The following VGLL4 variants were observed in gnomAD, a reference collection of about 807,000 sequenced individuals.
VGLL4 encodes the protein vestigial like family member 4.
VGLL4 carries 7 observed loss-of-function variants against 21.0 expected under a neutral mutation model. The observed-to-expected ratio is 0.33, with a 90% CI of 0.19 to 0.63. The LOEUF (loss-of-function observed/expected upper bound fraction) is 0.63. VGLL4 is among the 20% of genes least tolerant of loss of function. The pLI is 0.78. For missense variants in VGLL4, 394 were observed against 425.7 expected (o/e 0.93, Z 0.66); for synonymous variants, 222 against 173.2 (o/e 1.28, Z -2.21).
At chr3:11,684,399 A>G (rs2076415934) in intron 2 of VGLL4, among the ~76,000 whole-genome samples, 1 of 152,056 alleles carries the variant, frequency 6.6e-6, no homozygotes, top group South Asian at 2.1e-4. Context: ...CTTTAAAAAA[A>G]AGACAGGGTC....
In VGLL4 at chr3:11,556,995, CTG is replaced by C. The variant is rs1483264797; in HGVS notation, c.*1559_*1560del. 2 of 152,618 alleles carry C rather than the reference CTG, an allele frequency of 1.3e-5. No homozygotes were observed. Among genetic ancestry groups the C allele is most frequent in the African/African-American group, 4.8e-5 (2 of 41,470 alleles). 9.5% of individuals were successfully genotyped at this position (152,618 alleles called of 1,614,324 possible). A position where few individuals can be genotyped will look rare whatever the true frequency, so the allele number is the denominator to read the frequency against. ...ATTTCCAAAATTCAACAGCTAAAAACTGTAAAACCGGGGGTCATACGGTGTGC... is the reference window on the plus strand; with the variant it reads ...ATTTCCAAAATTCAACAGCTAAAAACTAAAACCGGGGGTCATACGGTGTGC... On this transcript the variant is annotated 3_prime_UTR_variant, in exon 5 of 5. Coordinates refer to ENST00000430365, the MANE Select transcript of VGLL4 (RefSeq NM_001128219.3).
At chr3:11,573,269 A>G (rs61657602) in intron 2 of VGLL4, among the ~76,000 whole-genome samples, 704 of 9,538 alleles carry the variant, frequency 0.074, 57 homozygotes, top group African/African-American at 0.32. Context: ...GAAAGAAAGA[A>G]AGAAAGAAAG....
intron 1 of VGLL4, among the ~76,000 whole-genome samples, chr3:11,616,127 C>A (rs776459090): frequency 1.3e-5 from 2 of 152,120 alleles, no homozygotes; most frequent in Non-Finnish European, 2.9e-5. Context: ...CCTTACCCAT[C>A]TCTCTTTCTC....
At position 11,568,536 on chromosome 3, in the gene VGLL4, C is replaced by T. The variant is rs893761886; in HGVS notation, c.273-3517G>A. ...GTGGGCACTATGGGTCAGACAAAGA[C>T]ACTGAAAACAGCGAGAAAAGGCCTG... is the stretch of plus-strand genomic sequence containing the variant. On this transcript the variant is annotated intron_variant, in intron 2 of 4. Transcript: ENST00000430365. The surrounding 1 kb of genome is among the most constrained non-coding windows in gnomAD (Gnocchi z 5.9). 1.9e-6 allele frequency: 3 copies of T among 1,545,116 alleles called. No homozygotes were observed. The highest frequency in any genetic ancestry group is 2.0e-5 in the Admixed American group (1 of 51,036).
intron 2 of VGLL4, among the ~76,000 whole-genome samples, chr3:11,686,233 T>G (rs969455572): frequency 1.3e-5 from 2 of 152,334 alleles, no homozygotes; most frequent in Non-Finnish European, 1.5e-5. Flanking sequence ...TGCACACTCA[T>G]GTTCATAGCA....
At chr3:11,581,832 C>T (rs1180881308) in intron 2 of VGLL4, among the ~76,000 whole-genome samples, 1 of 152,226 alleles carries the variant, frequency 6.6e-6, no homozygotes, top group African/African-American at 2.4e-5. Flanking sequence ...GCGATCTTGG[C>T]AGCTGGACTG....
intron 1 of VGLL4, among the ~76,000 whole-genome samples, chr3:11,603,263 C>T (rs556896863): frequency 6.6e-6 from 1 of 152,128 alleles, no homozygotes; most frequent in East Asian, 1.9e-4. Context: ...TATAAACTAG[C>T]AAATATACAG....
chr3:11,716,750 A>C (rs555874745), intron 1 of VGLL4, among the ~76,000 whole-genome samples: 1 of 152,286 alleles, frequency 6.6e-6, no homozygotes, highest in South Asian at 2.1e-4. Context: ...TGTATCTGCC[A>C]AATCTTGCAT....
chr3:11,574,111 C>A (rs570475939), intron 2 of VGLL4, among the ~76,000 whole-genome samples: 1 of 152,256 alleles, frequency 6.6e-6, no homozygotes, highest in South Asian at 2.1e-4. Flanking sequence ...TCTCAGGCAC[C>A]AGGAACGGTG....
At chr3:11,564,026 G>A (rs1314276722) in intron 3 of VGLL4, among the ~76,000 whole-genome samples, 2 of 152,140 alleles carry the variant, frequency 1.3e-5, no homozygotes. Flanking sequence ...ACCCCCTCGG[G>A]GCACGGCACC....
intron 2 of VGLL4, among the ~76,000 whole-genome samples, chr3:11,597,269 C>T (rs1039920720): frequency 2.6e-5 from 4 of 151,804 alleles, no homozygotes; most frequent in Admixed American, 2.6e-4. Context: ...CTGATTTTTC[C>T]ACAAGATGAA....
At chr3:11,591,667 C>T (rs1422693190) in intron 2 of VGLL4, among the ~76,000 whole-genome samples, 3 of 152,224 alleles carry the variant, frequency 2.0e-5, no homozygotes, top group Non-Finnish European at 4.4e-5. Flanking sequence ...ACAGGTCAGG[C>T]CTGTGACCTT....
At chr3:11,671,368 G>C (rs367884690) in intron 2 of VGLL4, 24 of 1,092,918 alleles carry the variant, frequency 2.2e-5, no homozygotes, top group African/African-American at 3.1e-5. Flanking sequence ...CTACGATTCT[G>C]CATTTCTAAC....
chr3:11,670,420 G>C (rs148872896), intron 2 of VGLL4, among the ~76,000 whole-genome samples: 1 of 152,054 alleles, frequency 6.6e-6, no homozygotes, highest in Non-Finnish European at 1.5e-5. Flanking sequence ...GAATGTTTTC[G>C]TCTCTAGAGA....
intron 2 of VGLL4, chr3:11,671,478 G>A (rs1261395295): frequency 4.4e-6 from 3 of 676,630 alleles, no homozygotes; most frequent in Non-Finnish European, 8.1e-6. Context: ...AGGACCCCCA[G>A]GTGTACAAAA....
chr3:11,665,474 C>T (rs1258908906), intron 2 of VGLL4, among the ~76,000 whole-genome samples: 1 of 152,210 alleles, frequency 6.6e-6, no homozygotes, highest in Non-Finnish European at 1.5e-5. Flanking sequence ...CTTCATACAC[C>T]TGCAGCTTCA....
chr3:11,691,429 T>C lies in VGLL4; in HGVS notation c.64+11542A>G, dbSNP rs181011507. On this transcript the variant is annotated intron_variant, in intron 2 of 5. Transcript: ENST00000273038. ...TGGTGTGCTGGTAAACGTTAACAACTGGCTCTCTATAGAAGAAAAACAAAA... is the reference window on the plus strand; with the variant it reads ...TGGTGTGCTGGTAAACGTTAACAACCGGCTCTCTATAGAAGAAAAACAAAA... Among the ~76,000 whole-genome samples the C allele has an allele frequency of 1.8e-3, 276 of 152,210 alleles. 1 individual carries two copies. Among genetic ancestry groups the C allele is most frequent in the African/African-American group, 6.5e-3 (271 of 41,512 alleles).
intron 1 of VGLL4, chr3:11,611,932 A>G (rs550220596): frequency 6.6e-6 from 1 of 151,900 alleles, no homozygotes; most frequent in South Asian, 2.1e-4. Context: ...AGTGGGTCTG[A>G]GGTGGGACCT....
At chr3:11,572,343 T>C (rs970793025) in intron 2 of VGLL4, among the ~76,000 whole-genome samples, 2 of 152,160 alleles carry the variant, frequency 1.3e-5, no homozygotes, top group Admixed American at 6.5e-5. Context: ...CCAATATATA[T>C]TGGACTGGCT....
Sources: allele counts gnomAD v4.1 joint callset (sites outside exome capture counted in the v4.1 genomes callset), GRCh38; gene constraint gnomAD v4.1.1; non-coding constraint Gnocchi (gnomAD v3.1); transcripts MANE v1.5; gene names NCBI Gene and HGNC (gene_info 2026-07-23, HGNC 2026-07-21).